The following TGM5 variants were observed in gnomAD, a reference collection of about 807,000 sequenced individuals.
TGM5 encodes transglutaminase 5, also known as protein-glutamine gamma-glutamyltransferase 5.
TGM5 carries 69 observed loss-of-function variants against 77.2 expected under a neutral mutation model. That is an observed-to-expected ratio of 0.89 (90% CI 0.74 to 1.09). TGM5 has a LOEUF of 1.09. TGM5 is among the 50% of genes least tolerant of loss of function. TGM5 has a pLI of 0.00. For synonymous variants in TGM5, 346 were observed against 351.8 expected (o/e 0.98, Z 0.18); for missense variants, 842 against 896.5 (o/e 0.94, Z 0.78).
At chr15:43,244,807 C>G (rs1462968946) in intron 6 of TGM5, among the ~76,000 whole-genome samples, 1 of 152,158 alleles carries the variant, frequency 6.6e-6, no homozygotes, top group African/African-American at 2.4e-5. Context: ...GTGGCTCAGG[C>G]TGGTAATCCC....
At position 43,253,656 on chromosome 15, in the gene TGM5, G is replaced by C. The variant is rs753824100; in HGVS notation, c.556-22C>G. ...CAAACTTCGGGGGGAGAGGCAGAGA[G>C]GGAAGGCACCCATGCTTGTCACGTG... On this transcript the variant is annotated intron_variant, in intron 4 of 12. Transcript: ENST00000220420. The C allele has an allele frequency of 1.9e-6, 3 of 1,610,408 alleles. No individual in the cohort carries two copies. The South Asian group carries it at 3.3e-5, about 18-fold the overall frequency.
chr15:43,252,619 A>T lies in TGM5; in HGVS notation c.862+140T>A, dbSNP rs1162595411. On this transcript the variant is annotated intron_variant, in intron 6 of 12. Coordinates refer to ENST00000220420, the MANE Select transcript of TGM5 (RefSeq NM_201631.4). The stretch of plus-strand genomic sequence containing the variant: ...GTGTGAGCCACCGTGCCCGGCCGAG[A>T]CATTTCAGAGAGGAAAAGGGCTTCC... The T allele has an allele frequency of 1.1e-5, 12 of 1,139,856 alleles. No homozygotes were observed. The East Asian group carries it at 3.0e-4, about 28-fold the overall frequency. The allele number at this position is 1,139,856 out of a possible 1,614,324, so 70.6% of individuals were successfully genotyped here. A position where few individuals can be genotyped will look rare whatever the true frequency, so the allele number is the denominator to read the frequency against.
In TGM5 at chr15:43,252,854, G is replaced by A. The variant is rs150774377; in HGVS notation, c.767C>T (p.Thr256Met). 2.8e-5 allele frequency: 45 copies of A among 1,613,764 alleles called. No individual in the cohort carries two copies. The highest frequency in any genetic ancestry group is 2.2e-5 in the East Asian group (1 of 44,900). ...CTGCTTCAGGATGGCCACGCTGCCC[G>A]TCCACTCCGCAGGGTTGGCGCCGTC... Reference protein sequence around the residue: ...YTDGANPAEWTGSVAILKQWN... With the variant: ...YTDGANPAEWMGSVAILKQWN... The change falls in exon 6 of 13, where the codon ACG becomes ATG. Residue 256 changes from threonine to methionine, a missense_variant. Thr to Met is a moderately conservative substitution (Grantham distance 81). Coordinates refer to ENST00000220420, the MANE Select transcript of TGM5 (RefSeq NM_201631.4).
At chr15:43,261,760 A>G (rs774326031) in intron 1 of TGM5, among the ~76,000 whole-genome samples, 1 of 152,228 alleles carries the variant, frequency 6.6e-6, no homozygotes, top group Admixed American at 6.5e-5. Context: ...CCACATTCAC[A>G]TAATTCCAAC....
At chr15:43,248,064 T>C (rs1322365175) in intron 6 of TGM5, among the ~76,000 whole-genome samples, 1 of 151,914 alleles carries the variant, frequency 6.6e-6, no homozygotes, top group East Asian at 1.9e-4. Flanking sequence ...GTAAGTGCCA[T>C]GAAATGAGGA....
intron 4 of TGM5, among the ~76,000 whole-genome samples, chr15:43,255,585 G>T (rs1466671459): frequency 6.6e-6 from 1 of 152,160 alleles, no homozygotes; most frequent in Non-Finnish European, 1.5e-5. Flanking sequence ...GGACACATAT[G>T]TTGGAGTTCT....
chr15:43,262,980 C>G (rs902348570), intron 1 of TGM5, among the ~76,000 whole-genome samples: 13 of 152,088 alleles, frequency 8.5e-5, no homozygotes, highest in Non-Finnish European at 1.6e-4. Flanking sequence ...TAGAAAATCC[C>G]AAGGAACCCG....
In TGM5 at chr15:43,234,760, C is replaced by T. The variant is rs1393617938; in HGVS notation, c.1875+9G>A. ...AGCCCCACAAGCCATTTGCAGGACTCCTGCCTACATTAATCGTGATGCTTG... is the reference window on the plus strand; with the variant it reads ...AGCCCCACAAGCCATTTGCAGGACTTCTGCCTACATTAATCGTGATGCTTG... On this transcript the variant is annotated intron_variant, in intron 11 of 12. Transcript: ENST00000220420. The T allele has an allele frequency of 6.2e-7, 1 of 1,614,142 alleles. No homozygotes were observed. The highest frequency in any genetic ancestry group is 8.5e-7 in the Non-Finnish European group (1 of 1,179,970).
chr15:43,253,587 G>T lies in TGM5; in HGVS notation c.603C>A (p.Ser201Arg). ...TGGCTGGGTCAGTCTGGAAGTGCAG[G>T]CTCTTGTCTAGCAGCTTCAGGCAGA... is the stretch of plus-strand genomic sequence containing the variant. ...IDICLKLLDK[S>R]LHFQTDPATD... The change falls in exon 5 of 13, where the codon AGC becomes AGA. Residue 201 changes from serine to arginine, a missense_variant. Transcript: ENST00000220420. 1 of 1,613,882 alleles carries T rather than the reference G, an allele frequency of 6.2e-7. No individual in the cohort carries two copies.
In TGM5 at chr15:43,238,877, T is replaced by C. The variant is rs775880312; in HGVS notation, c.1285A>G (p.Thr429Ala). The change falls in exon 9 of 13, where the codon ACA becomes GCA. Residue 429 changes from threonine to alanine, a missense_variant. Around this residue, in one of 2 missense-constraint regions of TGM5, gnomAD observed 815 missense variants for 844.6 expected, o/e 0.96. Transcript: ENST00000220420. Reference sequence around the variant, plus strand: ...CGCTCGTCACTCTGGATGCTCTTTGTGCTGATAAAATTGCCAACAGAACTC... The same window carrying C: ...CGCTCGTCACTCTGGATGCTCTTTGCGCTGATAAAATTGCCAACAGAACTC... ...DTSSVGNFIS[T>A]KSIQSDERDD... The C allele has an allele frequency of 4.3e-6, 7 of 1,614,240 alleles. No homozygotes were observed. Among genetic ancestry groups the C allele is most frequent in the Non-Finnish European group, 5.1e-6 (6 of 1,180,040 alleles).
At chr15:43,240,712 G>T (rs1259100500) in intron 7 of TGM5, 140 bp downstream of exon 7, 2 of 1,029,826 alleles carry the variant, frequency 1.9e-6, no homozygotes, top group Admixed American at 2.0e-5. Context: ...TTGGTGGGGG[G>T]TGGGTGGGGG....
At chr15:43,260,822 C>A in intron 1 of TGM5, 1 of 591,536 alleles carries the variant, frequency 1.7e-6, no homozygotes, top group South Asian at 1.8e-5. Context: ...CCTCTATCTT[C>A]TTCTCCCTTA....
At chr15:43,263,468 T>C (rs191353429) in intron 1 of TGM5, among the ~76,000 whole-genome samples, 2 of 152,322 alleles carry the variant, frequency 1.3e-5, no homozygotes, top group East Asian at 3.9e-4. Flanking sequence ...GATAGACATA[T>C]AGATCAGTGG....
Position 43,239,152 on chromosome 15 carries a change from G to T in TGM5, c.1105+11C>A. The T allele has an allele frequency of 6.2e-7, 1 of 1,614,096 alleles. No individual in the cohort carries two copies. The highest frequency in any genetic ancestry group is 8.5e-7 in the Non-Finnish European group (1 of 1,180,012). ...GGGAGCGGGGCCTGCCTTTCTTCTGGAGAGCCTCACCGTTGCTCATCTCCT... is the reference window on the plus strand; with the variant it reads ...GGGAGCGGGGCCTGCCTTTCTTCTGTAGAGCCTCACCGTTGCTCATCTCCT... On this transcript the variant is annotated intron_variant, in intron 8 of 12. Coordinates refer to ENST00000220420, the MANE Select transcript of TGM5 (RefSeq NM_201631.4).
intron 9 of TGM5, among the ~76,000 whole-genome samples, chr15:43,236,626 G>A (rs1566828113): frequency 6.6e-6 from 1 of 152,290 alleles, no homozygotes; most frequent in East Asian, 1.9e-4. Flanking sequence ...TTCATTCTAA[G>A]GCCAGTTCCA....
rs1374039794 is a variant in TGM5 at position 43,260,500 on chromosome 15, G to A, written c.90C>T (p.His30=). 14 of 1,614,060 alleles carry A rather than the reference G, an allele frequency of 8.7e-6. No individual in the cohort carries two copies. The highest frequency in any genetic ancestry group is 3.3e-5 in the South Asian group (3 of 91,082). The part of the protein sequence containing the change: ...RHHTEEITVD[H]LLVRRGQAFN... The stretch of plus-strand genomic sequence containing the variant: ...AGGCCTGGCCCCGGCGAACAAGCAG[G>A]TGGTCCACAGTGATCTCCTCCGTGT... The change falls in exon 2 of 13, where the codon CAC becomes CAT. Residue 30 remains histidine (H), a synonymous_variant. Coordinates refer to ENST00000220420, the MANE Select transcript of TGM5 (RefSeq NM_201631.4).
chr15:43,239,536 T>G, intron 7 of TGM5: 3 of 494,058 alleles, frequency 6.1e-6, no homozygotes, highest in Non-Finnish European at 7.4e-6. Flanking sequence ...AAAAATTAAC[T>G]AGGCATCATG....
At chr15:43,261,097 T>TTTTTTTG (rs2042787400) in intron 1 of TGM5, among the ~76,000 whole-genome samples, 1 of 97,422 alleles carries the variant, frequency 1.0e-5, no homozygotes, top group African/African-American at 5.1e-5. Context: ...TTTTTTTTTT[T>TTTTTTTG]TTTTTTTTTT....
At chr15:43,247,061 G>T (rs1473168852) in intron 6 of TGM5, among the ~76,000 whole-genome samples, 1 of 151,898 alleles carries the variant, frequency 6.6e-6, no homozygotes, top group Non-Finnish European at 1.5e-5. Flanking sequence ...AGAAGGCTGA[G>T]GCAGGAGAAT....
Sources: gnomAD v4.1 joint callset for allele counts (sites outside exome capture counted in the v4.1 genomes callset) on GRCh38, gnomAD v4.1.1 for gene constraint, gnomAD v4.1.1 regional missense constraint, MANE v1.5 for transcripts, NCBI Gene and HGNC (gene_info 2026-07-23, HGNC 2026-07-21) for gene names.